The following PCDHA9 variants were observed in gnomAD, a reference collection of about 807,000 sequenced individuals.
PCDHA9 encodes protocadherin alpha-9.
Under a neutral mutation model 62.0 loss-of-function variants are expected in PCDHA9, and 62 were observed. The ratio of observed to expected loss-of-function variants is 1.00; its 90% CI spans 0.81 to 1.23. The LOEUF is 1.23. Among genes scored for constraint, PCDHA9 ranks in the 50% most tolerant of loss-of-function variants. PCDHA9 has a pLI of 0.00. For synonymous variants in PCDHA9, 557 were observed against 567.6 expected (o/e 0.98, Z 0.27); for missense variants, 1,205 against 1,249.8 (o/e 0.96, Z 0.54).
intron 1 of PCDHA9, among the ~76,000 whole-genome samples, chr5:140,901,201 G>A (rs2068505084): frequency 6.6e-6 from 1 of 152,038 alleles, no homozygotes; most frequent in Admixed American, 6.6e-5. Context: ...CTGTGCAGAA[G>A]GTTTTTAAGT....
chr5:141,007,551 GA>G (rs1554261384), intron 3 of PCDHA9, among the ~76,000 whole-genome samples: 1 of 152,140 alleles, frequency 6.6e-6, no homozygotes, highest in African/African-American at 2.4e-5. Flanking sequence ...TTGGGCAACA[GA>G]GCAAGGCTCT....
chr5:140,894,569 C>CT (rs556288790), intron 1 of PCDHA9, among the ~76,000 whole-genome samples: 36 of 151,446 alleles, frequency 2.4e-4, no homozygotes, highest in African/African-American at 7.5e-4. Context: ...AATTATTTTC[C>CT]TTTTTTTTAA....
At position 140,850,196 on chromosome 5, in the gene PCDHA9, A is replaced by T; in HGVS notation, c.1701A>T (p.Thr567=). ...ACGACAATGCGCCGGCGCTGCTGACACCTCGGATGAGGGGCACTGACGGCG... is the reference window on the plus strand; with the variant it reads ...ACGACAATGCGCCGGCGCTGCTGACTCCTCGGATGAGGGGCACTGACGGCG... ...DENDNAPALL[T]PRMRGTDGAV... Residue 567 remains threonine (T), a synonymous_variant, in exon 1 of 4, where the codon ACA becomes ACT. Transcript: ENST00000532602. 1 of 1,592,830 alleles carries T rather than the reference A, an allele frequency of 6.3e-7. No homozygotes were observed. Among genetic ancestry groups the T allele is most frequent in the Non-Finnish European group, 8.6e-7 (1 of 1,167,498 alleles).
intron 1 of PCDHA9, chr5:140,928,905 G>T: frequency 6.2e-7 from 1 of 1,614,138 alleles, no homozygotes; most frequent in South Asian, 1.1e-5. Flanking sequence ...AAGATGTCTG[G>T]GAACCAGGAG....
intron 1 of PCDHA9, among the ~76,000 whole-genome samples, chr5:140,975,044 G>A (rs115613317): frequency 0.045 from 6,815 of 152,244 alleles, 210 homozygotes; most frequent in Non-Finnish European, 0.062. Flanking sequence ...AGGCTCTTAG[G>A]AAGAATCTAC....
At chr5:140,891,424 G>A (rs932574419) in intron 1 of PCDHA9, among the ~76,000 whole-genome samples, 1 of 146,144 alleles carries the variant, frequency 6.8e-6, no homozygotes, top group Non-Finnish European at 1.5e-5. Context: ...TTGCCCCCAA[G>A]TCCCCAACGT....
intron 1 of PCDHA9, chr5:140,866,572 GTGGT>G (rs1562601054): frequency 6.6e-6 from 1 of 152,168 alleles, no homozygotes; most frequent in African/African-American, 2.4e-5. Context: ...TGTTAATACA[GTGGT>G]TGGATAATGT....
intron 1 of PCDHA9, chr5:140,881,395 T>C: frequency 1.0e-6 from 1 of 978,940 alleles, no homozygotes; most frequent in Non-Finnish European, 1.2e-6. Context: ...TAAGTTAAAT[T>C]CTATTAAATC....
intron 1 of PCDHA9, chr5:140,854,737 A>T (rs2043210768): frequency 6.7e-6 from 1 of 149,840 alleles, no homozygotes. Flanking sequence ...TTTTTTCAGC[A>T]GCACAGATAT....
intron 1 of PCDHA9, chr5:140,852,757 G>T (rs1243910073): frequency 9.2e-6 from 9 of 983,578 alleles, no homozygotes; most frequent in Admixed American, 1.3e-4. Context: ...TTGGACCCAG[G>T]TATCTGATTA....
intron 1 of PCDHA9, chr5:140,870,710 C>T (rs782716335): frequency 6.2e-7 from 1 of 1,613,092 alleles, no homozygotes; most frequent in South Asian, 1.1e-5. Flanking sequence ...CAGGTGAGCG[C>T]GCGCGATGCG....
intron 1 of PCDHA9, among the ~76,000 whole-genome samples, chr5:140,908,097 G>A (rs184366035): frequency 2.6e-5 from 4 of 152,212 alleles, no homozygotes; most frequent in African/African-American, 9.6e-5. Flanking sequence ...ACTGATTGAA[G>A]TTCTGTCCAC....
Position 140,870,220 on chromosome 5 carries a change from G to A in PCDHA9, c.2394+19331G>A, listed in dbSNP as rs199741132. 3.2e-5 allele frequency: 52 copies of A among 1,614,042 alleles called. No individual in the cohort carries two copies. The highest frequency in any genetic ancestry group is 2.7e-5 in the Non-Finnish European group (32 of 1,180,040). ...CAGCACGGTCATTGCCCTGATCAGC[G>A]TGTCTGACCGTGACTCAGGTGTCAA... On this transcript the variant is annotated intron_variant, in intron 1 of 3. Transcript: ENST00000532602.
chr5:140,927,666 G>C, intron 1 of PCDHA9: 1 of 1,614,180 alleles, frequency 6.2e-7, no homozygotes, highest in Non-Finnish European at 8.5e-7. Context: ...TTCAAGCCTT[G>C]GATCCAGATG....
chr5:140,870,084 C>T (rs782413178), intron 1 of PCDHA9: 1 of 1,613,864 alleles, frequency 6.2e-7, no homozygotes, highest in Non-Finnish European at 8.5e-7. Context: ...AGGGGACTCC[C>T]CCAATGGCAG....
intron 1 of PCDHA9, among the ~76,000 whole-genome samples, chr5:140,962,126 C>T (rs1429316991): frequency 6.6e-6 from 1 of 152,094 alleles, no homozygotes; most frequent in African/African-American, 2.4e-5. Flanking sequence ...ACCTTGGCCT[C>T]GGCCTCCCAA....
intron 1 of PCDHA9, among the ~76,000 whole-genome samples, chr5:140,932,231 A>G (rs2088135026): frequency 6.6e-6 from 1 of 151,848 alleles, no homozygotes; most frequent in African/African-American, 2.4e-5. Context: ...AATTTTTTAG[A>G]ATGGTATCTA....
chr5:140,971,032 G>A (rs540815935), intron 1 of PCDHA9, among the ~76,000 whole-genome samples: 4 of 152,302 alleles, frequency 2.6e-5, no homozygotes, highest in African/African-American at 7.2e-5. Context: ...GCATTTGAAA[G>A]CACGTAAAAG....
At position 140,850,903 on chromosome 5, in the gene PCDHA9, G is replaced by A. The variant is rs2150501679; in HGVS notation, c.2394+14G>A. On this transcript the variant is annotated intron_variant, in intron 1 of 3. Coordinates refer to ENST00000532602, the MANE Select transcript of PCDHA9 (RefSeq NM_031857.2). Reference sequence around the variant, plus strand: ...TCAACTGGGAAGGTGGGTTTTTCTAGCATTTTATTTATTTATATAATTTTT... The same window carrying A: ...TCAACTGGGAAGGTGGGTTTTTCTAACATTTTATTTATTTATATAATTTTT... 1.3e-6 allele frequency: 2 copies of A among 1,560,976 alleles called. No homozygotes were observed. The highest frequency in any genetic ancestry group is 1.9e-5 in the Admixed American group (1 of 53,614).
Sources: gnomAD v4.1 joint callset for allele counts (sites outside exome capture counted in the v4.1 genomes callset) on GRCh38, gnomAD v4.1.1 for gene constraint, MANE v1.5 for transcripts, NCBI Gene and HGNC (gene_info 2026-07-23, HGNC 2026-07-21) for gene names.